The following SEMA3A variants were observed in gnomAD, a reference collection of about 807,000 sequenced individuals.
The protein encoded by SEMA3A is semaphorin-3A.
SEMA3A carries 29 observed loss-of-function variants against 97.9 expected under a neutral mutation model. The observed-to-expected ratio is 0.30, with a 90% CI of 0.22 to 0.40. SEMA3A has a LOEUF of 0.40. Among genes scored for constraint, SEMA3A ranks in the 10% least tolerant of loss-of-function variants. SEMA3A has a pLI of 1.00. For synonymous variants in SEMA3A, 321 were observed against 323.7 expected (o/e 0.99, Z 0.09); for missense variants, 763 against 951.3 (o/e 0.80, Z 2.60).
At position 84,118,265 on chromosome 7, in the gene SEMA3A, C is replaced by T. The variant is rs543162969; in HGVS notation, c.334-7676G>A. On this transcript the variant is annotated intron_variant, in intron 3 of 16. Transcript: ENST00000265362. ...TGAAGACTTATAAATTATAATCACT[C>T]TTGTTATCAAAGCAGTAAAAATGCC... Among the ~76,000 whole-genome samples the T allele has an allele frequency of 3.9e-5, 6 of 152,168 alleles. No individual in the cohort carries two copies. The East Asian group carries it at 9.6e-4, about 24-fold the overall frequency.
intron 1 of SEMA3A, among the ~76,000 whole-genome samples, chr7:84,385,744 T>G (rs978963658): frequency 6.6e-5 from 10 of 152,274 alleles, no homozygotes; most frequent in African/African-American, 2.4e-4. Context: ...TTTGATGCGG[T>G]TTAATCAATT....
chr7:84,040,122 ATCT>A (rs1258004009), intron 6 of SEMA3A, among the ~76,000 whole-genome samples: 1 of 151,970 alleles, frequency 6.6e-6, no homozygotes, highest in African/African-American at 2.4e-5. Context: ...AGTTCCTGAA[ATCT>A]TCTATTCTGA....
chr7:84,134,851 A>T lies in SEMA3A; in HGVS notation c.213T>A (p.Val71=). 9 of 1,613,876 alleles carry T rather than the reference A, an allele frequency of 5.6e-6. No individual in the cohort carries two copies. Among genetic ancestry groups the T allele is most frequent in the Non-Finnish European group, 6.8e-6 (8 of 1,179,876 alleles). Residue 71 remains valine (V), a synonymous_variant, in exon 2 of 17, where the codon GTT becomes GTA. Coordinates refer to ENST00000265362, the MANE Select transcript of SEMA3A (RefSeq NM_006080.3). ...ATGAAAATATGTGATCCTTTGCTCC[A>T]ACATACAGCCTACTCCGTTCCTCAT... ...LLDEERSRLY[V]GAKDHIFSFD... is the part of the protein sequence containing the mutation.
chr7:84,146,189 A>C (rs1039182987), intron 1 of SEMA3A, among the ~76,000 whole-genome samples: 1 of 152,138 alleles, frequency 6.6e-6, no homozygotes, highest in Admixed American at 6.5e-5. Flanking sequence ...TACACACATT[A>C]GTTCTCTTAG....
intron 2 of SEMA3A, among the ~76,000 whole-genome samples, chr7:84,323,423 C>T (rs149130463): frequency 7.8e-4 from 118 of 152,038 alleles, no homozygotes; most frequent in African/African-American, 2.4e-3. Context: ...ACAGACAGAC[C>T]GCCTTCAGCT....
intron 1 of SEMA3A, among the ~76,000 whole-genome samples, chr7:84,140,775 A>G (rs2116070519): frequency 6.6e-6 from 1 of 152,262 alleles, no homozygotes; most frequent in Middle Eastern, 3.4e-3. Flanking sequence ...AAGTTCCAGA[A>G]TAGAGGCTGA....
chr7:84,161,769 A>G (rs977749945), intron 1 of SEMA3A, among the ~76,000 whole-genome samples: 3 of 152,232 alleles, frequency 2.0e-5, no homozygotes, highest in African/African-American at 7.2e-5. Flanking sequence ...AAGGAACAAA[A>G]GCAAATATAT....
intron 11 of SEMA3A, among the ~76,000 whole-genome samples, chr7:84,003,561 G>T (rs930662383): frequency 3.3e-5 from 5 of 152,062 alleles, no homozygotes; most frequent in Admixed American, 1.3e-4. Flanking sequence ...TGAAATTGGT[G>T]CCTTTAAAGA....
rs370817792 is a variant in SEMA3A, at chr7:83,995,098, CCTTT to C, written c.1452+6853_1452+6856del. ...GATTTTCCAGGTGCCATCCGTCACC[CCTTT>C]CTTTGACTCGGAAAAGGAACTCCCT... On this transcript the variant is annotated intron_variant, in intron 12 of 16. Transcript: ENST00000265362. 1.6e-4 allele frequency among the ~76,000 whole-genome samples: 24 copies of C among 152,258 alleles called. 1 individual carries two copies. Among genetic ancestry groups the C allele is most frequent in the African/African-American group, 4.6e-4 (19 of 41,548 alleles).
intron 2 of SEMA3A, among the ~76,000 whole-genome samples, chr7:84,364,641 A>T (rs2116077851): frequency 6.6e-6 from 1 of 151,860 alleles, no homozygotes; most frequent in Middle Eastern, 3.4e-3. Flanking sequence ...AGCAAAAAAC[A>T]ATTTTCTACT....
At chr7:84,144,983 T>G (rs2116089706) in intron 1 of SEMA3A, among the ~76,000 whole-genome samples, 1 of 152,306 alleles carries the variant, frequency 6.6e-6, no homozygotes, top group South Asian at 2.1e-4. Context: ...TATGCATGTG[T>G]GTTTACCCCT....
chr7:84,177,514 T>C (rs1458090425), intron 1 of SEMA3A, among the ~76,000 whole-genome samples: 1 of 152,132 alleles, frequency 6.6e-6, no homozygotes, highest in African/African-American at 2.4e-5. Context: ...TATGGGAACA[T>C]GTTATTCAGT....
chr7:84,462,049 C>T (rs893537782), intron 1 of SEMA3A, among the ~76,000 whole-genome samples: 4 of 151,992 alleles, frequency 2.6e-5, no homozygotes, highest in South Asian at 2.1e-4. Flanking sequence ...TATTTTTAAA[C>T]GTTGGTGATA....
At chr7:84,274,298 G>T (rs1049233382) in intron 3 of SEMA3A, among the ~76,000 whole-genome samples, 7 of 152,014 alleles carry the variant, frequency 4.6e-5, no homozygotes, top group Non-Finnish European at 1.0e-4. Flanking sequence ...CTGTTCTTCT[G>T]CCTTTCCTTT....
At chr7:84,006,711 TG>T (rs1213049182) in intron 10 of SEMA3A, among the ~76,000 whole-genome samples, 3 of 152,194 alleles carry the variant, frequency 2.0e-5, no homozygotes, top group African/African-American at 7.2e-5. Context: ...GGAGCTAAAA[TG>T]TAATTATGAG....
chr7:83,984,727 A>G (rs979212709), intron 13 of SEMA3A, among the ~76,000 whole-genome samples: 8 of 150,942 alleles, frequency 5.3e-5, no homozygotes, highest in African/African-American at 1.9e-4. Context: ...CACATATTAC[A>G]CAGTATTTAG....
intron 1 of SEMA3A, among the ~76,000 whole-genome samples, chr7:84,168,451 G>T (rs1041049467): frequency 6.6e-6 from 1 of 151,798 alleles, no homozygotes; most frequent in African/African-American, 2.4e-5. Flanking sequence ...ATATATATAG[G>T]TCTTTTTACA....
At chr7:84,029,900 CAG>C (rs1169593209) in intron 6 of SEMA3A, among the ~76,000 whole-genome samples, 158 of 151,632 alleles carry the variant, frequency 1.0e-3, no homozygotes, top group African/African-American at 3.7e-3. Flanking sequence ...GAAGACAAAA[CAG>C]ATGTTTTTAA....
chr7:84,249,511 G>A (rs1378355859), intron 3 of SEMA3A, among the ~76,000 whole-genome samples: 1 of 151,750 alleles, frequency 6.6e-6, no homozygotes, highest in African/African-American at 2.4e-5. Context: ...GTTCCCCATG[G>A]TGATGGGTTA....
Sources: gnomAD v4.1 joint callset for allele counts (sites outside exome capture counted in the v4.1 genomes callset) on GRCh38, gnomAD v4.1.1 for gene constraint, MANE v1.5 for transcripts, NCBI Gene and HGNC (gene_info 2026-07-23, HGNC 2026-07-21) for gene names.